Variants in RHOBTB1 observed in about 807,000 individuals in gnomAD.
RHOBTB1 encodes the protein Rho related BTB domain containing 1.
Under a neutral mutation model 71.6 loss-of-function variants are expected in RHOBTB1, and 40 were observed. The ratio of observed to expected loss-of-function variants is 0.56; its 90% CI spans 0.43 to 0.73. The LOEUF (loss-of-function observed/expected upper bound fraction) is 0.73, where lower values mean the gene tolerates loss of function less well. RHOBTB1 is among the 30% of genes least tolerant of loss of function. The pLI is 0.00. For missense variants in RHOBTB1, 797 were observed against 894.0 expected, an observed-to-expected ratio of 0.89 and a Z score of 1.38; for synonymous variants, 319 against 334.9, an observed-to-expected ratio of 0.95 and a Z score of 0.52.
chr10:60,915,706 G>A (rs1212317292), intron 2 of RHOBTB1, among the ~76,000 whole-genome samples: 2 of 152,184 alleles, frequency 1.3e-5, no homozygotes, highest in East Asian at 1.9e-4. Context: ...CTAGAAAAGC[G>A]TGATCATGCT....
chr10:60,897,481 T>C (rs1037382003), intron 4 of RHOBTB1, among the ~76,000 whole-genome samples: 13 of 152,212 alleles, frequency 8.5e-5, no homozygotes, highest in East Asian at 1.9e-4. Context: ...TTGGGTTTTC[T>C]TACCTGGTTA....
Position 60,871,294 on chromosome 10 carries a change from A to G in RHOBTB1, c.*188T>C, listed in dbSNP as rs1305604228. The G allele has an allele frequency of 5.6e-6, 3 of 537,960 alleles. No individual in the cohort carries two copies. The highest frequency in any genetic ancestry group is 7.1e-5 in the Admixed American group (2 of 28,108). 33.3% of individuals were successfully genotyped at this position (537,960 alleles called of 1,614,324 possible). A position where few individuals can be genotyped will look rare whatever the true frequency, so the allele number is the denominator to read the frequency against. On this transcript the variant is annotated 3_prime_UTR_variant, in exon 11 of 11. Coordinates refer to ENST00000337910, the MANE Select transcript of RHOBTB1 (RefSeq NM_014836.5). ...TGAGAGTCAGCTTCCCTTTTTGTCC[A>G]GGCTCATTGATGGTGAGCTTGTGCT...
At chr10:60,955,466 C>T (rs1190411233) in intron 2 of RHOBTB1, among the ~76,000 whole-genome samples, 3 of 152,110 alleles carry the variant, frequency 2.0e-5, no homozygotes, top group Non-Finnish European at 4.4e-5. Context: ...CAATCATGCA[C>T]AGCAATATAA....
chr10:60,950,433 C>T (rs1407810156), intron 2 of RHOBTB1, among the ~76,000 whole-genome samples: 1 of 152,144 alleles, frequency 6.6e-6, no homozygotes, highest in Non-Finnish European at 1.5e-5. Flanking sequence ...TGCCTGACCA[C>T]CTGTTTCATA....
chr10:60,975,684 G>C (rs1258355901), intron 2 of RHOBTB1, among the ~76,000 whole-genome samples: 2 of 152,072 alleles, frequency 1.3e-5, no homozygotes, highest in African/African-American at 4.8e-5. Context: ...AGGGAATACA[G>C]TGTTTTTACT....
At chr10:60,937,280 A>T (rs1356705562) in intron 2 of RHOBTB1, among the ~76,000 whole-genome samples, 2 of 152,184 alleles carry the variant, frequency 1.3e-5, no homozygotes, top group Admixed American at 1.3e-4. Context: ...TGCAGATGAA[A>T]TGGGGAAATT....
downstream of RHOBTB1, among the ~76,000 whole-genome samples, chr10:60,867,552 C>T (rs78151882): frequency 3.3e-3 from 496 of 152,302 alleles, 3 homozygotes; most frequent in African/African-American, 0.011. Context: ...AATTCTTTCA[C>T]GTCTGTGGAT....
chr10:60,974,311 T>C (rs2086250082), intron 2 of RHOBTB1, among the ~76,000 whole-genome samples: 1 of 152,082 alleles, frequency 6.6e-6, no homozygotes, highest in African/African-American at 2.4e-5. Flanking sequence ...ACTAATTACA[T>C]ACTCTGACTA....
At chr10:60,927,951 C>T (rs1037846113) in intron 2 of RHOBTB1, among the ~76,000 whole-genome samples, 1 of 151,882 alleles carries the variant, frequency 6.6e-6, no homozygotes, top group African/African-American at 2.4e-5. Context: ...GATTAATAAC[C>T]AGAATATATG....
intron 4 of RHOBTB1, among the ~76,000 whole-genome samples, chr10:60,898,644 G>C (rs1411265653): frequency 6.6e-6 from 1 of 152,218 alleles, no homozygotes; most frequent in African/African-American, 2.4e-5. Context: ...TGCCCTGGAT[G>C]TGAGCAGATA....
chr10:60,962,661 T>C (rs918155398), intron 2 of RHOBTB1, among the ~76,000 whole-genome samples: 1 of 152,186 alleles, frequency 6.6e-6, no homozygotes, highest in African/African-American at 2.4e-5. Context: ...AAGAAGTATT[T>C]AAAGCTTCTG....
chr10:60,997,944 G>A (rs898322638), intron 1 of RHOBTB1, among the ~76,000 whole-genome samples: 1 of 152,158 alleles, frequency 6.6e-6, no homozygotes, highest in Non-Finnish European at 1.5e-5. Context: ...GAAGGCTTAG[G>A]TTCTATAGCT....
chr10:60,868,246 G>A (rs948161170), downstream of RHOBTB1, among the ~76,000 whole-genome samples: 1 of 151,984 alleles, frequency 6.6e-6, no homozygotes, highest in Non-Finnish European at 1.5e-5. Flanking sequence ...ATCCAACTAG[G>A]AGATCTGTAT....
At chr10:60,979,292 TG>T (rs2086417591) in intron 2 of RHOBTB1, among the ~76,000 whole-genome samples, 1 of 152,196 alleles carries the variant, frequency 6.6e-6, no homozygotes, top group African/African-American at 2.4e-5. Context: ...TTTACCATTT[TG>T]GTGATAACAG....
intron 2 of RHOBTB1, among the ~76,000 whole-genome samples, chr10:60,984,851 A>G (rs1166825940): frequency 6.6e-6 from 1 of 152,196 alleles, no homozygotes; most frequent in Non-Finnish European, 1.5e-5. Flanking sequence ...TTAGACACAG[A>G]ATAAACAATT....
At chr10:60,884,302 T>C (rs922566280) in intron 7 of RHOBTB1, among the ~76,000 whole-genome samples, 7 of 152,198 alleles carry the variant, frequency 4.6e-5, no homozygotes, top group African/African-American at 1.7e-4. Flanking sequence ...TTAGCTATTG[T>C]TTTTTGCATT....
At chr10:60,965,183 G>A (rs1442382609) in intron 2 of RHOBTB1, among the ~76,000 whole-genome samples, 3 of 151,896 alleles carry the variant, frequency 2.0e-5, no homozygotes, top group Non-Finnish European at 4.4e-5. Flanking sequence ...TATTATAGCA[G>A]CATATTTTGC....
intron 2 of RHOBTB1, among the ~76,000 whole-genome samples, chr10:60,965,914 T>A (rs979390510): frequency 1.3e-4 from 20 of 150,158 alleles, no homozygotes; most frequent in African/African-American, 4.6e-4. Context: ...AACTGATATT[T>A]AAAAAAAAAA....
intron 2 of RHOBTB1, among the ~76,000 whole-genome samples, chr10:60,969,323 G>C (rs573155812): frequency 6.6e-6 from 1 of 152,234 alleles, no homozygotes; most frequent in Admixed American, 6.5e-5. Flanking sequence ...AGCCACAAAA[G>C]CAACTTTGGT....
Sources: gnomAD v4.1 joint callset for allele counts (sites outside exome capture counted in the v4.1 genomes callset) on GRCh38, gnomAD v4.1.1 for gene constraint, MANE v1.5 for transcripts, NCBI Gene and HGNC (gene_info 2026-07-23, HGNC 2026-07-21) for gene names.